Variants in SYBU observed in about 807,000 individuals in gnomAD.
SYBU encodes syntabulin, also known as GOLSYN A protein.
Under a neutral mutation model 35.9 loss-of-function variants are expected in SYBU, and 21 were observed. That is an observed-to-expected ratio of 0.58 (90% CI 0.41 to 0.84). The LOEUF is 0.84. SYBU is among the 40% of genes least tolerant of loss of function. SYBU has a pLI of 0.00. For synonymous variants in SYBU, 319 were observed against 324.3 expected (o/e 0.98, Z 0.18); for missense variants, 768 against 848.2 (o/e 0.91, Z 1.17).
At chr8:109,646,965 T>A (rs1815761268), upstream of SYBU, 1 of 152,260 alleles carries the variant, frequency 6.6e-6, no homozygotes, top group Non-Finnish European at 1.5e-5. Flanking sequence ...GTGGTCTAAC[T>A]CAAGGTCTCT....
intron 1 of SYBU, among the ~76,000 whole-genome samples, chr8:109,660,633 C>CA (rs1816526912): frequency 6.6e-6 from 1 of 151,254 alleles, no homozygotes; most frequent in African/African-American, 2.4e-5. Context: ...AAGTAAATGG[C>CA]AATATTCTAA....
At chr8:109,657,713 C>G (rs1816407454) in intron 1 of SYBU, among the ~76,000 whole-genome samples, 1 of 152,188 alleles carries the variant, frequency 6.6e-6, no homozygotes, top group Non-Finnish European at 1.5e-5. Context: ...TGAGGCTTTT[C>G]AATCTGAAAC....
chr8:109,591,131 C>T (rs138693918), intron 3 of SYBU, among the ~76,000 whole-genome samples: 85 of 152,230 alleles, frequency 5.6e-4, no homozygotes, highest in African/African-American at 1.9e-3. Context: ...GAGAATACTC[C>T]GCCATCGTGA....
chr8:109,652,922 G>A (rs771589297), intron 1 of SYBU, among the ~76,000 whole-genome samples: 2 of 152,166 alleles, frequency 1.3e-5, no homozygotes, highest in African/African-American at 4.8e-5. Flanking sequence ...TAAAATACAT[G>A]CGTGGTTCTA....
Position 109,670,333 on chromosome 8 carries a change from G to T in SYBU, c.-129+10378C>A, listed in dbSNP as rs1586984300. On this transcript the variant is annotated intron_variant, in intron 1 of 5. Transcript: ENST00000408889. ...TACATATGTATACATGCGCCATGTTGGTGTGCTGCACCCATTAACTCATCA... is the reference window on the plus strand; with the variant it reads ...TACATATGTATACATGCGCCATGTTTGTGTGCTGCACCCATTAACTCATCA... Among the ~76,000 whole-genome samples the T allele has an allele frequency of 6.0e-5, 9 of 149,224 alleles. No homozygotes were observed. In the South Asian group the frequency reaches 1.9e-3, roughly 31 times the overall value.
At chr8:109,637,256 T>C (rs926050721) in intron 2 of SYBU, among the ~76,000 whole-genome samples, 2 of 152,202 alleles carry the variant, frequency 1.3e-5, no homozygotes, top group African/African-American at 4.8e-5. Flanking sequence ...TACTCTAAAA[T>C]TGGAAAACAT....
chr8:109,645,419 G>A (rs901495639), upstream of SYBU: 6 of 436,894 alleles, frequency 1.4e-5, no homozygotes, highest in African/African-American at 1.0e-4. Context: ...AGCTCCCTCC[G>A]GCTTGGAGAA....
intron 3 of SYBU, chr8:109,607,907 T>C: frequency 1.3e-6 from 2 of 1,487,736 alleles, no homozygotes; most frequent in East Asian, 2.5e-5. Flanking sequence ...CTAATACTAC[T>C]TACTTAGAAG....
At chr8:109,678,985 T>C (rs754804194) in intron 1 of SYBU, among the ~76,000 whole-genome samples, 67 of 152,148 alleles carry the variant, frequency 4.4e-4, no homozygotes, top group Non-Finnish European at 6.3e-4. Flanking sequence ...AGGATGGAGG[T>C]TGGCACAAGG....
At chr8:109,663,668 C>T (rs1178309718) in intron 1 of SYBU, among the ~76,000 whole-genome samples, 1 of 152,002 alleles carries the variant, frequency 6.6e-6, no homozygotes, top group Non-Finnish European at 1.5e-5. Context: ...ACCCCTAGTA[C>T]ATTTTTTAAA....
chr8:109,588,198 G>GC (rs1823839932), intron 3 of SYBU, among the ~76,000 whole-genome samples: 1 of 152,156 alleles, frequency 6.6e-6, no homozygotes, highest in Non-Finnish European at 1.5e-5. Context: ...TTTCACAAAA[G>GC]CCCATCGATT....
At chr8:109,655,840 C>T (rs955006951) in intron 1 of SYBU, among the ~76,000 whole-genome samples, 10 of 152,104 alleles carry the variant, frequency 6.6e-5, no homozygotes, top group Non-Finnish European at 8.8e-5. Flanking sequence ...CTAGACCAGG[C>T]GTGGTGGCTC....
At position 109,575,205 on chromosome 8, in the gene SYBU, C is replaced by A; in HGVS notation, c.1693G>T (p.Asp565Tyr). 1 of 1,614,220 alleles carries A rather than the reference C, an allele frequency of 6.2e-7. No homozygotes were observed. Among genetic ancestry groups the A allele is most frequent in the South Asian group, 1.1e-5 (1 of 91,082 alleles). ...SPVETPYANVDAEVHANRLMR... is the reference protein window; with the variant it reads ...SPVETPYANVYAEVHANRLMR... ...AGGCGGTTTGCATGAACTTCTGCAT[C>A]CACATTGGCGTAGGGGGTCTCCACG... is the stretch of plus-strand genomic sequence containing the variant. Residue 565 changes from aspartate to tyrosine, a missense_variant, in exon 7 of 7, where the codon GAT becomes TAT. By Grantham distance (160) the Asp-to-Tyr change is radical (BLOSUM62 -3). Coordinates refer to ENST00000276646, the MANE Select transcript of SYBU (RefSeq NM_001099754.2).
intron 4 of SYBU, among the ~76,000 whole-genome samples, chr8:109,585,534 T>G (rs1350268419): frequency 6.6e-6 from 1 of 152,136 alleles, no homozygotes; most frequent in African/African-American, 2.4e-5. Context: ...ACCCAGCTGG[T>G]GTGCTCTATG....
At chr8:109,597,524 C>T (rs549611625) in intron 3 of SYBU, among the ~76,000 whole-genome samples, 1 of 151,910 alleles carries the variant, frequency 6.6e-6, no homozygotes, top group East Asian at 1.9e-4. Context: ...TCGAGACCAG[C>T]CTGGGTAAAA....
At chr8:109,689,250 A>G (rs1399261125) in intron 1 of SYBU, among the ~76,000 whole-genome samples, 1 of 152,206 alleles carries the variant, frequency 6.6e-6, no homozygotes, top group Non-Finnish European at 1.5e-5. Context: ...ATATAACTAC[A>G]GTATCATATC....
intron 1 of SYBU, among the ~76,000 whole-genome samples, chr8:109,657,406 T>C (rs1816394368): frequency 6.6e-6 from 1 of 152,236 alleles, no homozygotes; most frequent in Admixed American, 6.5e-5. Flanking sequence ...CAAGGTTTTC[T>C]GGTAGTCTTT....
Position 109,575,835 on chromosome 8 carries a change from T to TCTTTATCA in SYBU, c.1062_1063insTGATAAAG (p.Ile355Ter). 1 of 1,614,090 alleles carries TCTTTATCA rather than the reference T, an allele frequency of 6.2e-7. No individual in the cohort carries two copies. The highest frequency in any genetic ancestry group is 8.5e-7 in the Non-Finnish European group (1 of 1,180,004). On this transcript the variant is annotated stop_gained and frameshift_variant, in exon 7 of 7. Transcript: ENST00000276646. LOFTEE classifies it low-confidence loss of function (END_TRUNC). ...TTTATGTCCACAAAATATTTCTGAA[T>TCTTTATCA]GCCTTTATCTTTATCAGCCAAGCTG...
At chr8:109,608,823 T>G (rs1410905427) in intron 3 of SYBU, among the ~76,000 whole-genome samples, 3 of 152,188 alleles carry the variant, frequency 2.0e-5, no homozygotes, top group Non-Finnish European at 2.9e-5. Context: ...AGGCAAATAT[T>G]GTCACTACAA....
Sources: gnomAD v4.1 joint callset for allele counts (sites outside exome capture counted in the v4.1 genomes callset) on GRCh38, gnomAD v4.1.1 for gene constraint, MANE v1.5 for transcripts, NCBI Gene and HGNC (gene_info 2026-07-23, HGNC 2026-07-21) for gene names.